CHMP1A: variants seen among roughly 807,000 people sequenced by gnomAD.
CHMP1A encodes VPS46 homolog A.
Under a neutral mutation model 27.0 loss-of-function variants are expected in CHMP1A, and 17 were observed. The observed-to-expected ratio is 0.63, with a 90% confidence interval of 0.43 to 0.95. The LOEUF (loss-of-function observed/expected upper bound fraction) is 0.95. CHMP1A is among the 40% of genes least tolerant of loss of function. CHMP1A has a pLI of 0.00. For synonymous variants in CHMP1A, 131 were observed against 107.5 expected, an observed-to-expected ratio of 1.22 and a Z score of -1.35; for missense variants, 275 against 264.0, an observed-to-expected ratio of 1.04 and a Z score of -0.29.
chr16:89,650,677 A>C (rs1338300504), intron 3 of CHMP1A, among the ~76,000 whole-genome samples: 1 of 151,898 alleles, frequency 6.6e-6, no homozygotes, highest in Non-Finnish European at 1.5e-5. Flanking sequence ...GTGGTGGCGC[A>C]TGCTTGTAAT....
At chr16:89,653,416 C>A (rs1158205464) in intron 2 of CHMP1A, among the ~76,000 whole-genome samples, 1 of 150,218 alleles carries the variant, frequency 6.7e-6, no homozygotes, top group East Asian at 2.0e-4. Context: ...GTGAAGAGAT[C>A]GAGACCATCC....
intron 2 of CHMP1A, among the ~76,000 whole-genome samples, chr16:89,653,537 C>A (rs376144428): frequency 6.8e-6 from 1 of 146,214 alleles, no homozygotes; most frequent in Non-Finnish European, 1.5e-5. Context: ...GCAGGAGAAT[C>A]GCTTGAACCC....
intron 4 of CHMP1A, among the ~76,000 whole-genome samples, chr16:89,648,421 G>A (rs429486): frequency 1.8e-5 from 2 of 112,122 alleles, no homozygotes; most frequent in Admixed American, 1.2e-4. Flanking sequence ...GCGCGGGGTC[G>A]GTGGAGAAAA....
chr16:89,657,592 C>T lies in CHMP1A; in HGVS notation c.-4G>A. ...GCCGCGACCTCTTACCGTCCATGGCCACAATGACAGGAGCAGCACTCGGAG... is the reference window on the plus strand; with the variant it reads ...GCCGCGACCTCTTACCGTCCATGGCTACAATGACAGGAGCAGCACTCGGAG... On this transcript the variant is annotated 5_prime_UTR_variant, in exon 1 of 7. Transcript: ENST00000397901. 3 of 1,611,326 alleles carry T rather than the reference C, an allele frequency of 1.9e-6. No homozygotes were observed. Among genetic ancestry groups the T allele is most frequent in the Non-Finnish European group, 1.7e-6 (2 of 1,179,288 alleles).
At chr16:89,657,482 T>A (rs988038311) in intron 1 of CHMP1A, 100 bp downstream of exon 1, 20 of 1,491,754 alleles carry the variant, frequency 1.3e-5, no homozygotes, top group Non-Finnish European at 1.6e-5. Context: ...CGAGCTCTCC[T>A]GAGTCCTGCC....
At chr16:89,647,586 AGAAAAG>A in intron 4 of CHMP1A, among the ~76,000 whole-genome samples, 1 of 142,962 alleles carries the variant, frequency 7.0e-6, no homozygotes. Flanking sequence ...GGGTCAGTGG[AGAAAAG>A]GCCGCCGACG....
intron 2 of CHMP1A, 136 bp from the exon 3 acceptor site, chr16:89,651,782 G>A (rs1462836900): frequency 2.5e-6 from 2 of 792,084 alleles, no homozygotes; most frequent in Non-Finnish European, 3.9e-6. Flanking sequence ...CCTGGGCCCA[G>A]CACACCGCAG....
intron 1 of CHMP1A, among the ~76,000 whole-genome samples, chr16:89,657,259 A>G (rs1488418860): frequency 7.9e-6 from 1 of 125,956 alleles, no homozygotes; most frequent in Non-Finnish European, 1.7e-5. Context: ...GCCCGGGAAA[A>G]GGGGTCCCGG....
In CHMP1A at chr16:89,647,470, C is replaced by T. The variant is rs532515104; in HGVS notation, c.253-139G>A. The T allele has an allele frequency of 4.6e-5, 34 of 738,112 alleles. 1 individual carries two copies. The East Asian group carries it at 5.0e-4, about 11-fold the overall frequency. 45.7% of individuals were successfully genotyped at this position (738,112 alleles called of 1,614,324 possible). On this transcript the variant is annotated intron_variant, in intron 4 of 6. Coordinates refer to ENST00000397901, the MANE Select transcript of CHMP1A (RefSeq NM_002768.5). ...CACAAAACCCCAACTCTGGGCTGAG[C>T]CATCATCTGGGTCCTATGGAAAGAC...
chr16:89,656,502 A>G (rs2059872194), intron 1 of CHMP1A, among the ~76,000 whole-genome samples: 1 of 152,186 alleles, frequency 6.6e-6, no homozygotes, highest in South Asian at 2.1e-4. Context: ...CAAACATAGG[A>G]CTTCATTTTG....
At position 89,645,751 on chromosome 16, in the gene CHMP1A, C is replaced by T; in HGVS notation, c.*315G>A. 1.7e-6 allele frequency: 1 copy of T among 591,672 alleles called. No homozygotes were observed. 36.7% of individuals were successfully genotyped at this position (591,672 alleles called of 1,614,324 possible). ...CTGATGGGAAGCAGCATGTCTGCTG[C>T]CCCAGAGTCTGAAGGCCCCCACAGT... On this transcript the variant is annotated 3_prime_UTR_variant, in exon 7 of 7. Coordinates refer to ENST00000397901, the MANE Select transcript of CHMP1A (RefSeq NM_002768.5).
chr16:89,646,078 G>A lies in CHMP1A; in HGVS notation c.579C>T (p.Ala193=). The change falls in exon 7 of 7, where the codon GCC becomes GCT. Residue 193 remains alanine (A), a synonymous_variant. Coordinates refer to ENST00000397901, the MANE Select transcript of CHMP1A (RefSeq NM_002768.5). ...CGGCGGGGCACGGCTAGTTCCTCAA[G>A]GCGGCCAACCTGGAAACCAACAACA... ...QEDQLSRRLA[A]LRN is the part of the protein sequence containing the mutation. 3.2e-6 allele frequency: 5 copies of A among 1,547,622 alleles called. No homozygotes were observed. In the South Asian group the frequency reaches 4.9e-5, roughly 15 times the overall value.
At position 89,651,614 on chromosome 16, in the gene CHMP1A, C is replaced by G. The variant is rs2059824588; in HGVS notation, c.60G>C (p.Lys20Asn). The G allele has an allele frequency of 1.2e-5, 19 of 1,613,782 alleles. No homozygotes were observed. The highest frequency in any genetic ancestry group is 1.6e-5 in the Non-Finnish European group (19 of 1,179,852). ...FTAKQLEKLA[K>N]KAEKDSKAEQ... is the part of the protein sequence containing the mutation. ...CCGCCTTGGAGTCCTTCTCCGCCTTCTTGGCCAGCTTCTCCAGCTGCTTCG... is the reference window on the plus strand; with the variant it reads ...CCGCCTTGGAGTCCTTCTCCGCCTTGTTGGCCAGCTTCTCCAGCTGCTTCG... Residue 20 changes from lysine (K) to asparagine (N), a missense_variant, in exon 3 of 7, where the codon AAG becomes AAC. Lys to Asn is a moderately conservative substitution (Grantham distance 94). Transcript: ENST00000397901.
chr16:89,645,719 C>G lies in CHMP1A; in HGVS notation c.*347G>C. 3 of 455,242 alleles carry G rather than the reference C, an allele frequency of 6.6e-6. No homozygotes were observed. The highest frequency in any genetic ancestry group is 1.2e-5 in the Non-Finnish European group (3 of 258,810). The allele number at this position is 455,242 out of a possible 1,614,324, so 28.2% of individuals were successfully genotyped here. Reference sequence around the variant, plus strand: ...TTTGGCAACAGGGCAGCCCTGACCCCCTCTGGCTGATGGGAAGCAGCATGT... The same window carrying G: ...TTTGGCAACAGGGCAGCCCTGACCCGCTCTGGCTGATGGGAAGCAGCATGT... On this transcript the variant is annotated 3_prime_UTR_variant, in exon 7 of 7. Coordinates refer to ENST00000397901, the MANE Select transcript of CHMP1A (RefSeq NM_002768.5).
chr16:89,646,830 G>A, intron 5 of CHMP1A, 116 bp from the exon 6 acceptor site: 4 of 1,199,410 alleles, frequency 3.3e-6, no homozygotes, highest in Non-Finnish European at 3.6e-6. Flanking sequence ...CCACCTTCTT[G>A]CCCTGTTCTC....
At chr16:89,649,836 A>G (rs1305527821) in intron 3 of CHMP1A, among the ~76,000 whole-genome samples, 2 of 152,106 alleles carry the variant, frequency 1.3e-5, no homozygotes, top group Non-Finnish European at 2.9e-5. Context: ...TCGGCCTCCC[A>G]AAGAGCTGGG....
intron 3 of CHMP1A, 95 bp from the exon 4 acceptor site, chr16:89,649,592 T>C: frequency 6.8e-7 from 1 of 1,465,206 alleles, no homozygotes; most frequent in African/African-American, 1.4e-5. Flanking sequence ...TTTGTTTTGT[T>C]TGAGACGGAG....
In CHMP1A at chr16:89,646,792, T is replaced by G. The variant is rs895639007; in HGVS notation, c.382-78A>C. 9 of 1,462,340 alleles carry G rather than the reference T, an allele frequency of 6.2e-6. No individual in the cohort carries two copies. The African/African-American group carries it at 9.8e-5, about 16-fold the overall frequency. The allele number at this position is 1,462,340 out of a possible 1,614,324, so 90.6% of individuals were successfully genotyped here. On this transcript the variant is annotated intron_variant, in intron 5 of 6. Coordinates refer to ENST00000397901, the MANE Select transcript of CHMP1A (RefSeq NM_002768.5). ...CCACTCAGCTTCACAAGGGTACGAC[T>G]GCACTTTTCGTTCCCTCACACAGCC...
chr16:89,646,973 C>G, intron 5 of CHMP1A: 1 of 1,417,802 alleles, frequency 7.1e-7, no homozygotes, highest in Non-Finnish European at 9.4e-7. Flanking sequence ...TGTCTGCCAT[C>G]CGAGCCTCCC....
Sources: gnomAD v4.1 joint callset for allele counts (sites outside exome capture counted in the v4.1 genomes callset) on GRCh38, gnomAD v4.1.1 for gene constraint, MANE v1.5 for transcripts, NCBI Gene and HGNC (gene_info 2026-07-23, HGNC 2026-07-21) for gene names.